The following AXDND1 variants were observed in gnomAD, a reference collection of about 807,000 sequenced individuals.
AXDND1 encodes the protein axonemal dynein light chain domain containing 1.
AXDND1 carries 110 observed loss-of-function variants against 137.5 expected under a neutral mutation model. The observed-to-expected ratio is 0.80, with a 90% CI of 0.69 to 0.94. The LOEUF is 0.94. Among genes scored for constraint, AXDND1 ranks in the 40% least tolerant of loss-of-function variants. The pLI is 0.00. For synonymous variants in AXDND1, 414 were observed against 399.7 expected, an observed-to-expected ratio of 1.04 and a Z score of -0.43; for missense variants, 1,191 against 1,169.8, an observed-to-expected ratio of 1.02 and a Z score of -0.26.
At chr1:179,535,857 C>G (rs1003463394) in intron 25 of AXDND1, among the ~76,000 whole-genome samples, 12 of 152,186 alleles carry the variant, frequency 7.9e-5, no homozygotes, top group Non-Finnish European at 1.6e-4. Context: ...AAAAGTGTTC[C>G]TATTTCTCCA....
intron 17 of AXDND1, among the ~76,000 whole-genome samples, chr1:179,469,139 A>C (rs1268909430): frequency 3.9e-5 from 6 of 152,104 alleles, no homozygotes; most frequent in Admixed American, 3.9e-4. Context: ...CATGTTGGCT[A>C]GGCTGGTCTC....
At chr1:179,554,365 C>G (rs1428947167) in intron 25 of AXDND1, 147 bp from the exon 26 acceptor site, 4 of 1,234,818 alleles carry the variant, frequency 3.2e-6, no homozygotes, top group Non-Finnish European at 4.7e-6. Context: ...TAAATTTATG[C>G]TGATATGGCT....
intron 12 of AXDND1, among the ~76,000 whole-genome samples, chr1:179,413,794 T>G (rs1016927317): frequency 3.3e-5 from 5 of 152,234 alleles, no homozygotes; most frequent in Non-Finnish European, 7.3e-5. Context: ...GGTAGTTCCA[T>G]TTTTAGTTCT....
intron 17 of AXDND1, among the ~76,000 whole-genome samples, chr1:179,473,215 A>G (rs1397687427): frequency 6.6e-6 from 1 of 152,044 alleles, no homozygotes; most frequent in Non-Finnish European, 1.5e-5. Flanking sequence ...TTAATTTAAC[A>G]GAATTAGCTT....
chr1:179,525,984 C>T (rs2125687764), intron 22 of AXDND1, among the ~76,000 whole-genome samples: 1 of 152,152 alleles, frequency 6.6e-6, no homozygotes. Flanking sequence ...GTTCCTTTTC[C>T]CTTCTAAATC....
chr1:179,541,279 T>A (rs1270444555), intron 25 of AXDND1, among the ~76,000 whole-genome samples: 2 of 152,174 alleles, frequency 1.3e-5, no homozygotes, highest in African/African-American at 4.8e-5. Context: ...TGACTCCTTG[T>A]ACTTCCTGGA....
At chr1:179,422,070 T>G (rs1286766671) in intron 12 of AXDND1, among the ~76,000 whole-genome samples, 1 of 151,784 alleles carries the variant, frequency 6.6e-6, no homozygotes, top group Admixed American at 6.6e-5. Flanking sequence ...AAACAGCAGC[T>G]TTTCCTTTCA....
chr1:179,526,128 ACTT>A (rs1034077179), intron 22 of AXDND1, among the ~76,000 whole-genome samples: 15 of 151,696 alleles, frequency 9.9e-5, no homozygotes, highest in Admixed American at 5.3e-4. Context: ...CCATATTTCT[ACTT>A]CTTCAGCTCC....
At chr1:179,505,678 A>G (rs2125629153) in intron 20 of AXDND1, among the ~76,000 whole-genome samples, 1 of 152,174 alleles carries the variant, frequency 6.6e-6, no homozygotes, top group East Asian at 1.9e-4. Context: ...GAAAAACAGA[A>G]AAAAATTGAA....
At chr1:179,491,298 T>C (rs1279950553) in intron 18 of AXDND1, among the ~76,000 whole-genome samples, 1 of 151,904 alleles carries the variant, frequency 6.6e-6, no homozygotes, top group African/African-American at 2.4e-5. Context: ...GGCAACAGAG[T>C]GACACCCCGT....
At chr1:179,466,844 T>G (rs1339014347) in intron 16 of AXDND1, among the ~76,000 whole-genome samples, 2 of 152,168 alleles carry the variant, frequency 1.3e-5, no homozygotes, top group Non-Finnish European at 2.9e-5. Flanking sequence ...TTCTGGCAGG[T>G]CATTTAGTGC....
At chr1:179,529,425 G>T (rs1441292672) in intron 23 of AXDND1, among the ~76,000 whole-genome samples, 1 of 152,202 alleles carries the variant, frequency 6.6e-6, no homozygotes, top group Non-Finnish European at 1.5e-5. Flanking sequence ...AGGAGAAAAG[G>T]CATATAAATT....
At chr1:179,492,711 T>G in intron 19 of AXDND1, 144 bp from the exon 20 acceptor site, 1 of 544,480 alleles carries the variant, frequency 1.8e-6, no homozygotes, top group Non-Finnish European at 3.2e-6. Flanking sequence ...CCTTGGTGAG[T>G]CAGTAGCTGA....
chr1:179,375,100 A>AATATTAAATATTAATT, intron 4 of AXDND1, among the ~76,000 whole-genome samples: 1 of 148,818 alleles, frequency 6.7e-6, no homozygotes, highest in Admixed American at 6.7e-5. Context: ...TTTATTAATA[A>AATATTAAATATTAATT]AAAAAAAATT....
intron 16 of AXDND1, chr1:179,455,134 T>G (rs1571904568): frequency 6.8e-6 from 1 of 147,262 alleles, no homozygotes; most frequent in Non-Finnish European, 1.5e-5. Flanking sequence ...TTAGCGCTGG[T>G]CATGGTGGCA....
chr1:179,525,279 A>G, intron 21 of AXDND1, 55 bp from the exon 22 acceptor site: 8 of 1,503,392 alleles, frequency 5.3e-6, no homozygotes, highest in Non-Finnish European at 6.3e-6. Context: ...TTTTGAACAA[A>G]TAATTGCTAA....
At chr1:179,392,579 T>G (rs370429887) in intron 9 of AXDND1, among the ~76,000 whole-genome samples, 9 of 152,386 alleles carry the variant, frequency 5.9e-5, no homozygotes, top group African/African-American at 2.2e-4. Flanking sequence ...TGTACTAGTT[T>G]ACATTCCCAC....
chr1:179,418,057 T>C (rs920754653), intron 12 of AXDND1, among the ~76,000 whole-genome samples: 4 of 151,506 alleles, frequency 2.6e-5, no homozygotes, highest in African/African-American at 7.3e-5. Flanking sequence ...GGCAGGGTCA[T>C]AGGACAATAG....
chr1:179,387,416 A>G (rs1649395263), intron 9 of AXDND1, among the ~76,000 whole-genome samples: 1 of 152,228 alleles, frequency 6.6e-6, no homozygotes, highest in Non-Finnish European at 1.5e-5. Context: ...CAATAATGGC[A>G]TTAGTCCATT....
Sources: gnomAD v4.1 joint callset for allele counts (sites outside exome capture counted in the v4.1 genomes callset) on GRCh38, gnomAD v4.1.1 for gene constraint, MANE v1.5 for transcripts, NCBI Gene and HGNC (gene_info 2026-07-23, HGNC 2026-07-21) for gene names.